The following FBXL17 variants were observed in gnomAD, a reference collection of about 807,000 sequenced individuals.
FBXL17 encodes F-box and leucine rich repeat protein 17.
A neutral mutation model predicts 66.2 loss-of-function variants in FBXL17; 22 were observed. The observed-to-expected ratio is 0.33, with a 90% CI of 0.24 to 0.47. The LOEUF (loss-of-function observed/expected upper bound fraction) is 0.47, where lower values mean the gene tolerates loss of function less well. Among genes scored for constraint, FBXL17 ranks in the 20% least tolerant of loss-of-function variants. The pLI, the probability that FBXL17 is intolerant of heterozygous loss-of-function variation, is 1.00. For synonymous variants in FBXL17, 474 were observed against 400.5 expected, an observed-to-expected ratio of 1.18 and a Z score of -2.19; for missense variants, 878 against 948.2, an observed-to-expected ratio of 0.93 and a Z score of 0.97.
At chr5:107,942,266 C>A (rs896265637) in intron 7 of FBXL17, among the ~76,000 whole-genome samples, 7 of 152,154 alleles carry the variant, frequency 4.6e-5, no homozygotes, top group Non-Finnish European at 7.3e-5. Context: ...ACTTTGTCCT[C>A]TTAGAAAGTT....
chr5:108,304,828 C>A (rs912719771), intron 4 of FBXL17, among the ~76,000 whole-genome samples: 4 of 151,978 alleles, frequency 2.6e-5, no homozygotes, highest in African/African-American at 9.7e-5. Context: ...AAACTAAAAA[C>A]TATTTCCCTA....
intron 5 of FBXL17, among the ~76,000 whole-genome samples, chr5:108,212,540 T>C (rs1754422008): frequency 6.6e-6 from 1 of 152,204 alleles, no homozygotes; most frequent in African/African-American, 2.4e-5. Context: ...TTCCTTTCTG[T>C]TTCTTAGTTT....
At chr5:108,045,941 G>A (rs974416684) in intron 6 of FBXL17, among the ~76,000 whole-genome samples, 1 of 152,200 alleles carries the variant, frequency 6.6e-6, no homozygotes, top group Non-Finnish European at 1.5e-5. Context: ...ACTGTTCTTG[G>A]TTGGAGTGTT....
intron 7 of FBXL17, among the ~76,000 whole-genome samples, chr5:107,899,255 A>G (rs1749487506): frequency 6.6e-6 from 1 of 152,214 alleles, no homozygotes; most frequent in Admixed American, 6.5e-5. Context: ...CACAGTGTAC[A>G]ATACATATAA....
chr5:108,098,573 G>C (rs1005204199), intron 6 of FBXL17, among the ~76,000 whole-genome samples: 1 of 151,714 alleles, frequency 6.6e-6, no homozygotes, highest in South Asian at 2.1e-4. Flanking sequence ...GTCAAACCCC[G>C]TCTCTACTAA....
At position 108,049,152 on chromosome 5, in the gene FBXL17, C is replaced by CT. The variant is rs531485199; in HGVS notation, c.1746-28152dup. 1.9e-3 allele frequency among the ~76,000 whole-genome samples: 278 copies of CT among 146,154 alleles called. 1 individual carries two copies. Among genetic ancestry groups the CT allele is most frequent in the African/African-American group, 6.1e-3 (243 of 40,122 alleles). On this transcript the variant is annotated intron_variant, in intron 6 of 8. Coordinates refer to ENST00000542267, the MANE Select transcript of FBXL17 (RefSeq NM_001163315.3). ...AGACTGGGGGCCAATATTCAACATTCTTTTTTTTTTTAGACAGAGTCTCAC... is the reference window on the plus strand; with the variant it reads ...AGACTGGGGGCCAATATTCAACATTCTTTTTTTTTTTTAGACAGAGTCTCAC...
chr5:108,314,903 A>C (rs368474510), intron 4 of FBXL17, among the ~76,000 whole-genome samples: 4 of 151,436 alleles, frequency 2.6e-5, no homozygotes, highest in East Asian at 1.9e-4. Flanking sequence ...GGTAAGTTTT[A>C]TGTCTGTTGT....
intron 8 of FBXL17, among the ~76,000 whole-genome samples, chr5:107,863,705 T>C (rs1748197924): frequency 6.6e-6 from 1 of 152,072 alleles, no homozygotes; most frequent in Non-Finnish European, 1.5e-5. Flanking sequence ...CTAAAACAAA[T>C]ACAAACTACA....
chr5:108,196,227 AAAAC>A (rs1298396249), intron 5 of FBXL17, among the ~76,000 whole-genome samples: 3 of 148,720 alleles, frequency 2.0e-5, no homozygotes, highest in African/African-American at 5.2e-5. Context: ...AAAACAAAAC[AAAAC>A]AAACAAAAAA....
intron 6 of FBXL17, among the ~76,000 whole-genome samples, chr5:108,064,143 A>G (rs1447075354): frequency 6.6e-6 from 1 of 152,136 alleles, no homozygotes; most frequent in Non-Finnish European, 1.5e-5. Context: ...CTGACCCCTT[A>G]ACATTATGGC....
At chr5:108,237,270 G>A (rs771225055) in intron 4 of FBXL17, among the ~76,000 whole-genome samples, 1 of 152,200 alleles carries the variant, frequency 6.6e-6, no homozygotes, top group Non-Finnish European at 1.5e-5. Flanking sequence ...GTTAAGTGCT[G>A]ATGCTGTATG....
intron 4 of FBXL17, among the ~76,000 whole-genome samples, chr5:108,239,796 G>C (rs114742708): frequency 6.6e-6 from 1 of 151,896 alleles, no homozygotes; most frequent in Admixed American, 6.5e-5. Context: ...AGCTCCAGGA[G>C]AGACTCCTTC....
At position 107,881,329 on chromosome 5, in the gene FBXL17, G is replaced by A. The variant is rs1580677388; in HGVS notation, c.1823-150C>T. On this transcript the variant is annotated intron_variant, in intron 7 of 8. Coordinates refer to ENST00000542267, the MANE Select transcript of FBXL17 (RefSeq NM_001163315.3). ...TTATAAACTAAACTAAATTTGAAAT[G>A]CTTTAGGAAAGCTTCCCTATGACAA... 34 of 515,478 alleles carry A rather than the reference G, an allele frequency of 6.6e-5. No individual in the cohort carries two copies. In the East Asian group the frequency reaches 9.7e-4, roughly 15 times the overall value. The allele number at this position is 515,478 out of a possible 1,614,324, so 31.9% of individuals were successfully genotyped here. A position where few individuals can be genotyped will look rare whatever the true frequency, so the allele number is the denominator to read the frequency against.
At chr5:107,878,592 A>T in intron 8 of FBXL17, 1 of 983,802 alleles carries the variant, frequency 1.0e-6, no homozygotes, top group Non-Finnish European at 1.2e-6. Context: ...GTTGCTACTA[A>T]TTTCTTTTCT....
intron 6 of FBXL17, among the ~76,000 whole-genome samples, chr5:108,125,814 G>A (rs1580477115): frequency 2.6e-5 from 4 of 151,928 alleles, no homozygotes; most frequent in Non-Finnish European, 5.9e-5. Context: ...ATTCATTTGT[G>A]TTTATATTCA....
intron 6 of FBXL17, among the ~76,000 whole-genome samples, chr5:108,168,929 G>A (rs1752507876): frequency 1.3e-5 from 2 of 152,182 alleles, no homozygotes; most frequent in Non-Finnish European, 2.9e-5. Context: ...GAAAGAATCA[G>A]GAGTAAAATA....
chr5:108,049,616 C>T (rs575656776), intron 6 of FBXL17, among the ~76,000 whole-genome samples: 9 of 152,262 alleles, frequency 5.9e-5, no homozygotes, highest in African/African-American at 1.7e-4. Context: ...AAAACTGGTA[C>T]CAGCTACTGC....
chr5:108,074,308 AGATTT>A (rs1268965237), intron 6 of FBXL17, among the ~76,000 whole-genome samples: 51 of 124,110 alleles, frequency 4.1e-4, no homozygotes, highest in African/African-American at 1.3e-3. Context: ...AGATTTGAAA[AGATTT>A]TTTTTTTTTT....
At chr5:108,345,938 G>A (rs1418009926) in intron 4 of FBXL17, among the ~76,000 whole-genome samples, 1 of 152,052 alleles carries the variant, frequency 6.6e-6, no homozygotes, top group African/African-American at 2.4e-5. Flanking sequence ...AAGAGAATTA[G>A]CAAAATAATT....
Sources: allele counts gnomAD v4.1 joint callset (sites outside exome capture counted in the v4.1 genomes callset), GRCh38; gene constraint gnomAD v4.1.1; transcripts MANE v1.5; gene names NCBI Gene and HGNC (gene_info 2026-07-23, HGNC 2026-07-21).